The following COBLL1 variants were observed in gnomAD, a reference collection of about 807,000 sequenced individuals.
The protein encoded by COBLL1 is cordon-bleu WH2 repeat protein like 1.
COBLL1 carries 50 observed loss-of-function variants against 94.8 expected under a neutral mutation model. The observed-to-expected ratio is 0.53, with a 90% CI of 0.42 to 0.67. The LOEUF is 0.67. Ranked by LOEUF, COBLL1 falls within the 30% of genes least tolerant of loss-of-function variation. The pLI, the probability that COBLL1 is intolerant of heterozygous loss-of-function variation, is 0.00. For synonymous variants in COBLL1, 448 were observed against 473.8 expected, an observed-to-expected ratio of 0.95 and a Z score of 0.71; for missense variants, 1,362 against 1,348.7, an observed-to-expected ratio of 1.01 and a Z score of -0.15.
chr2:164,755,152 A>G (rs1687332991), intron 2 of COBLL1, among the ~76,000 whole-genome samples: 1 of 152,198 alleles, frequency 6.6e-6, no homozygotes, highest in East Asian at 1.9e-4. Flanking sequence ...GTGACAAAGC[A>G]AGACCCTGTC....
chr2:164,747,931 A>G (rs531544367), intron 2 of COBLL1, among the ~76,000 whole-genome samples: 1 of 152,312 alleles, frequency 6.6e-6, no homozygotes, highest in South Asian at 2.1e-4. Flanking sequence ...GAGAAGATGC[A>G]ATGCATAATT....
chr2:164,798,893 G>A lies in COBLL1; in HGVS notation c.41+42263C>T, dbSNP rs1013802864. Among the ~76,000 whole-genome samples the A allele has an allele frequency of 3.9e-5, 6 of 152,000 alleles. No homozygotes were observed. The East Asian group carries it at 5.8e-4, about 15-fold the overall frequency. Reference sequence around the variant, plus strand: ...AAATTAGCCGGGCAAGGTGGCGCACGTCTGTAGTCCCAGATACTCGGGAGG... The same window carrying A: ...AAATTAGCCGGGCAAGGTGGCGCACATCTGTAGTCCCAGATACTCGGGAGG... On this transcript the variant is annotated intron_variant, in intron 2 of 13. Coordinates refer to ENST00000652658, the MANE Select transcript of COBLL1 (RefSeq NM_001365672.2).
At position 164,665,051 on chromosome 2, in the gene COBLL1, T is replaced by G. The variant is rs778992768; in HGVS notation, n.181+796A>C. On this transcript the variant is annotated intron_variant and non_coding_transcript_variant, in intron 2 of 2. Transcript: ENST00000495084. Reference sequence around the variant, plus strand: ...GCAGATAAAGGAAAACAAAAGTGGGTCGGGCACAGTGGCTCACGCCTGTAA... The same window carrying G: ...GCAGATAAAGGAAAACAAAAGTGGGGCGGGCACAGTGGCTCACGCCTGTAA... 3.8e-4 allele frequency among the ~76,000 whole-genome samples: 57 copies of G among 151,904 alleles called. 1 individual carries two copies. Among genetic ancestry groups the G allele is most frequent in the South Asian group, 2.9e-3 (14 of 4,810 alleles).
At position 164,680,274 on chromosome 2, in the gene COBLL1, A is replaced by G. The variant is rs1347763039; in HGVS notation, c.*5672T>C. 1 of 152,144 alleles carries G rather than the reference A, an allele frequency of 6.6e-6. No individual in the cohort carries two copies. The highest frequency in any genetic ancestry group is 2.4e-5 in the African/African-American group (1 of 41,438). The allele number at this position is 152,144 out of a possible 1,614,324, so 9.4% of individuals were successfully genotyped here. A position where few individuals can be genotyped will look rare whatever the true frequency, so the allele number is the denominator to read the frequency against. On this transcript the variant is annotated 3_prime_UTR_variant, in exon 14 of 14. Transcript: ENST00000652658. ...AAAAATCATGTACAATATAACCCAC[A>G]TACCCACCACCTAGATTTAACAATT...
At chr2:164,716,024 T>A (rs1685151599) in intron 7 of COBLL1, among the ~76,000 whole-genome samples, 1 of 152,214 alleles carries the variant, frequency 6.6e-6, no homozygotes, top group Admixed American at 6.5e-5. Context: ...CCCTGACTCT[T>A]CTTCCACTTA....
intron 7 of COBLL1, among the ~76,000 whole-genome samples, chr2:164,706,659 T>G (rs1369609410): frequency 6.6e-6 from 1 of 152,180 alleles, no homozygotes; most frequent in Non-Finnish European, 1.5e-5. Flanking sequence ...CACCCTCATC[T>G]TGTATCTGTC....
chr2:164,837,662 T>G (rs1341059625), intron 2 of COBLL1, among the ~76,000 whole-genome samples: 1 of 151,424 alleles, frequency 6.6e-6, no homozygotes, highest in African/African-American at 2.5e-5. Context: ...TATATATGTA[T>G]GTATATGTAT....
intron 2 of COBLL1, among the ~76,000 whole-genome samples, chr2:164,825,593 C>T (rs545414745): frequency 1.3e-5 from 2 of 152,118 alleles, no homozygotes; most frequent in Non-Finnish European, 2.9e-5. Flanking sequence ...TTCTATATTA[C>T]AACAAGCAGC....
Position 164,663,983 on chromosome 2 carries a change from T to C in COBLL1, n.181+1864A>G, listed in dbSNP as rs527549410. On this transcript the variant is annotated intron_variant and non_coding_transcript_variant, in intron 2 of 2. Coordinates refer to the COBLL1 transcript ENST00000495084. ...TAAATGAAAATAAGCTTTAAAATCC[T>C]TTTTGCTTTTACTAAAATGTATAAT... Among the ~76,000 whole-genome samples the C allele has an allele frequency of 2.6e-5, 4 of 152,354 alleles. No homozygotes were observed. In the South Asian group the frequency reaches 6.2e-4, roughly 24 times the overall value.
chr2:164,755,263 T>A (rs1013874857), intron 2 of COBLL1, among the ~76,000 whole-genome samples: 1 of 152,212 alleles, frequency 6.6e-6, no homozygotes, highest in Admixed American at 6.5e-5. Context: ...CGTAGCCAAG[T>A]GACTAGCACA....
intron 2 of COBLL1, among the ~76,000 whole-genome samples, chr2:164,660,881 T>C (rs1175501162): frequency 6.6e-6 from 1 of 152,180 alleles, no homozygotes; most frequent in Non-Finnish European, 1.5e-5. Flanking sequence ...TTTAATCAAA[T>C]AGTGATTTAA....
chr2:164,795,435 T>C (rs1368142303), intron 2 of COBLL1, among the ~76,000 whole-genome samples: 1 of 152,202 alleles, frequency 6.6e-6, no homozygotes, highest in Non-Finnish European at 1.5e-5. Flanking sequence ...TTATTGTTAA[T>C]CATTTCTATT....
chr2:164,833,745 AGGC>A (rs1683197001), intron 2 of COBLL1, among the ~76,000 whole-genome samples: 1 of 152,154 alleles, frequency 6.6e-6, no homozygotes, highest in Non-Finnish European at 1.5e-5. Context: ...CCACCGCGCC[AGGC>A]CGACAATTCC....
chr2:164,717,492 T>C (rs1184114616), intron 7 of COBLL1, among the ~76,000 whole-genome samples: 6 of 152,320 alleles, frequency 3.9e-5, no homozygotes, highest in African/African-American at 1.4e-4. Context: ...CGTTCATATG[T>C]TTTGCTGAAT....
intron 5 of COBLL1, chr2:164,727,094 C>T: frequency 7.0e-7 from 1 of 1,429,780 alleles, no homozygotes; most frequent in African/African-American, 1.4e-5. Flanking sequence ...TCTACTGATT[C>T]ATACATCTTA....
intron 5 of COBLL1, chr2:164,724,084 C>T (rs1685598949): frequency 6.6e-6 from 1 of 152,340 alleles, no homozygotes; most frequent in African/African-American, 2.4e-5. Context: ...TGAGCCACCT[C>T]ATCCAGCCTA....
At chr2:164,710,688 C>T (rs1447728149) in intron 7 of COBLL1, among the ~76,000 whole-genome samples, 3 of 151,628 alleles carry the variant, frequency 2.0e-5, no homozygotes, top group Admixed American at 6.6e-5. Context: ...CTCAGCCTCC[C>T]GAGTAGCTGG....
intron 5 of COBLL1, chr2:164,726,988 T>TA (rs1451105463): frequency 2.6e-5 from 11 of 422,610 alleles, no homozygotes; most frequent in African/African-American, 4.1e-5. Flanking sequence ...TTTTCTAGGT[T>TA]AAAATCTCAT....
Position 164,704,429 on chromosome 2 carries a change from A to T in COBLL1, c.1225+15T>A, listed in dbSNP as rs1318780951. Reference sequence around the variant, plus strand: ...TTTTTCAGTAATTACACCATGTAGAATAAGGGTGTCATACCTGGGCTGGAT... The same window carrying T: ...TTTTTCAGTAATTACACCATGTAGATTAAGGGTGTCATACCTGGGCTGGAT... On this transcript the variant is annotated intron_variant, in intron 9 of 13. Transcript: ENST00000652658. The T allele has an allele frequency of 6.5e-7, 1 of 1,547,790 alleles. No individual in the cohort carries two copies. The highest frequency in any genetic ancestry group is 1.7e-5 in the Admixed American group (1 of 59,888).
Sources: allele counts gnomAD v4.1 joint callset (sites outside exome capture counted in the v4.1 genomes callset), GRCh38; gene constraint gnomAD v4.1.1; transcripts MANE v1.5; gene names NCBI Gene and HGNC (gene_info 2026-07-23, HGNC 2026-07-21).